Variants in GLTP observed in about 807,000 individuals in gnomAD.
GLTP encodes the protein glycolipid transfer protein.
GLTP carries 22 observed loss-of-function variants against 24.0 expected under a neutral mutation model. The observed-to-expected ratio is 0.92, with a 90% CI of 0.65 to 1.31. The LOEUF (loss-of-function observed/expected upper bound fraction) is 1.31, where lower values mean the gene tolerates loss of function less well. GLTP is among the 50% of genes most tolerant of loss of function. The pLI is 0.00. For synonymous variants in GLTP, 92 were observed against 115.9 expected (o/e 0.79, Z 1.33); for missense variants, 224 against 276.6 (o/e 0.81, Z 1.35).
At position 109,855,961 on chromosome 12, in the gene GLTP, G is replaced by A. The variant is rs998327027; in HGVS notation, c.297-192C>T. ...CACTTGGCTCCATTGACTATCTCCCGAGCACCTTCTCTCCTCCAGGCCTGG... is the reference window on the plus strand; with the variant it reads ...CACTTGGCTCCATTGACTATCTCCCAAGCACCTTCTCTCCTCCAGGCCTGG... On this transcript the variant is annotated intron_variant, in intron 3 of 4. Coordinates refer to ENST00000318348, the MANE Select transcript of GLTP (RefSeq NM_016433.4). The surrounding 1 kb of genome is among the most constrained non-coding windows in gnomAD (Gnocchi z 4.1). 2.6e-5 allele frequency among the ~76,000 whole-genome samples: 4 copies of A among 151,868 alleles called. No individual in the cohort carries two copies. Among genetic ancestry groups the A allele is most frequent in the Non-Finnish European group, 4.4e-5 (3 of 67,990 alleles).
chr12:109,878,496 C>T (rs1868955748), intron 1 of GLTP, among the ~76,000 whole-genome samples: 1 of 152,132 alleles, frequency 6.6e-6, no homozygotes, highest in Admixed American at 6.5e-5. Flanking sequence ...AGGGGCAAAA[C>T]TGCCCTCAGT....
chr12:109,864,822 T>C (rs1868475291), intron 1 of GLTP, among the ~76,000 whole-genome samples: 1 of 152,188 alleles, frequency 6.6e-6, no homozygotes, highest in Non-Finnish European at 1.5e-5. Flanking sequence ...GCTTTTCTAA[T>C]AGTTTATTTT....
Position 109,880,089 on chromosome 12 carries a change from G to C in GLTP, c.103+183C>G, listed in dbSNP as rs923082843. Among the ~76,000 whole-genome samples the C allele has an allele frequency of 6.6e-6, 1 of 152,008 alleles. No homozygotes were observed. The highest frequency in any genetic ancestry group is 2.4e-5 in the African/African-American group (1 of 41,378). On this transcript the variant is annotated intron_variant, in intron 1 of 4. Transcript: ENST00000318348. The surrounding 1 kb of genome is among the most constrained non-coding windows in gnomAD (Gnocchi z 5.1). ...GGATGTGACATGTTTAGAGCGGAGA[G>C]GACTTGGGAGTGGTCCGGGAAAGGG...
At chr12:109,853,755 AT>A (rs1443264127) in intron 4 of GLTP, among the ~76,000 whole-genome samples, 2 of 151,386 alleles carry the variant, frequency 1.3e-5, no homozygotes, top group South Asian at 2.1e-4. Context: ...TATTTAAAAA[AT>A]TTTTTTAGAC....
At chr12:109,862,103 C>A (rs978518666) in intron 1 of GLTP, among the ~76,000 whole-genome samples, 1 of 152,200 alleles carries the variant, frequency 6.6e-6, no homozygotes, top group Non-Finnish European at 1.5e-5. Context: ...GCAAATCTCC[C>A]AGCAAGGGGC....
At position 109,855,510 on chromosome 12, in the gene GLTP, A is replaced by AG. The variant is rs1892782314; in HGVS notation, c.447+108dup. 1.0e-6 allele frequency: 1 copy of AG among 981,570 alleles called. No individual in the cohort carries two copies. The highest frequency in any genetic ancestry group is 2.7e-5 in the East Asian group (1 of 37,458). 60.8% of individuals were successfully genotyped at this position (981,570 alleles called of 1,614,324 possible). ...GATGAGGGAGCCCTTCCTGAGCCCG[A>AG]GGGGGTAAACACAGCCTCACAGGCC... On this transcript the variant is annotated intron_variant, in intron 4 of 4. Transcript: ENST00000318348. The surrounding 1 kb of genome is among the most constrained non-coding windows in gnomAD (Gnocchi z 4.1).
In GLTP at chr12:109,880,410, C is replaced by A; in HGVS notation, c.-36G>T. The A allele has an allele frequency of 8.8e-7, 1 of 1,136,666 alleles. No individual in the cohort carries two copies. Among genetic ancestry groups the A allele is most frequent in the South Asian group, 1.6e-5 (1 of 62,344 alleles). The allele number at this position is 1,136,666 out of a possible 1,614,324, so 70.4% of individuals were successfully genotyped here. ...AGGCCCGCGGTGATGCCCCAGCCGG[C>A]GCCGCGGGCGTCGACACCGCCCCCC... On this transcript the variant is annotated 5_prime_UTR_variant, in exon 1 of 5. Coordinates refer to ENST00000318348, the MANE Select transcript of GLTP (RefSeq NM_016433.4). The surrounding 1 kb of genome is among the most constrained non-coding windows in gnomAD (Gnocchi z 5.1).
At chr12:109,874,978 G>T (rs1868839324) in intron 1 of GLTP, among the ~76,000 whole-genome samples, 1 of 152,032 alleles carries the variant, frequency 6.6e-6, no homozygotes, top group Non-Finnish European at 1.5e-5. Context: ...GGTCAGGCTG[G>T]TTTCCAACTC....
At chr12:109,878,170 C>G (rs970150763) in intron 1 of GLTP, among the ~76,000 whole-genome samples, 1 of 152,220 alleles carries the variant, frequency 6.6e-6, no homozygotes, top group African/African-American at 2.4e-5. Flanking sequence ...TGACTGCTGG[C>G]TCTGGCTTGC....
chr12:109,862,188 A>G (rs1236638627), intron 1 of GLTP, among the ~76,000 whole-genome samples: 1 of 152,122 alleles, frequency 6.6e-6, no homozygotes, highest in African/African-American at 2.4e-5. Flanking sequence ...CGGGCAAAGA[A>G]TCCAGGGTGC....
intron 1 of GLTP, among the ~76,000 whole-genome samples, chr12:109,867,683 A>G (rs1592892302): frequency 6.6e-6 from 1 of 151,970 alleles, no homozygotes. Context: ...GAATCACACT[A>G]ATTTCTCTTT....
chr12:109,871,081 CTTTTTTTTTT>C (rs965998479), intron 1 of GLTP, among the ~76,000 whole-genome samples: 1 of 114,434 alleles, frequency 8.7e-6, no homozygotes, highest in Non-Finnish European at 1.8e-5. Context: ...CATTTCCATT[CTTTTTTTTTT>C]TTTTTTTTTT....
chr12:109,873,015 A>C (rs1868773206), intron 1 of GLTP, among the ~76,000 whole-genome samples: 1 of 152,126 alleles, frequency 6.6e-6, no homozygotes, highest in South Asian at 2.1e-4. Context: ...ATGAGATTTG[A>C]GTTTTGTTTT....
At position 109,855,637 on chromosome 12, in the gene GLTP, G is replaced by A. The variant is rs138733952; in HGVS notation, c.429C>T (p.Ile143=). Residue 143 remains isoleucine (I), a synonymous_variant, in exon 4 of 5, where the codon ATC becomes ATT. Coordinates refer to ENST00000318348, the MANE Select transcript of GLTP (RefSeq NM_016433.4). This position sits in a 1 kb window ranked among gnomAD's most constrained non-coding sequence, Gnocchi z 4.1. ...EMALKKYHGW[I]VQKIFQAALY... Reference sequence around the variant, plus strand: ...GGCTCACCTGGAAGATCTTCTGCACGATCCAGCCATGGTACTTCTTGAGGG... The same window carrying A: ...GGCTCACCTGGAAGATCTTCTGCACAATCCAGCCATGGTACTTCTTGAGGG... 7.0e-6 allele frequency: 11 copies of A among 1,571,504 alleles called. No individual in the cohort carries two copies. In the East Asian group the frequency reaches 1.9e-4, roughly 27 times the overall value.
At chr12:109,862,198 C>T (rs1486153468) in intron 1 of GLTP, among the ~76,000 whole-genome samples, 1 of 152,172 alleles carries the variant, frequency 6.6e-6, no homozygotes, top group Non-Finnish European at 1.5e-5. Context: ...ATCCAGGGTG[C>T]TCTGGTCTCC....
intron 4 of GLTP, among the ~76,000 whole-genome samples, chr12:109,853,503 A>G (rs1306177342): frequency 2.6e-5 from 4 of 151,542 alleles, no homozygotes; most frequent in Non-Finnish European, 5.9e-5. Flanking sequence ...AGCCTGGCCA[A>G]TATGATAAAA....
intron 1 of GLTP, among the ~76,000 whole-genome samples, chr12:109,875,676 A>G (rs1261655465): frequency 6.6e-6 from 1 of 152,252 alleles, no homozygotes; most frequent in Non-Finnish European, 1.5e-5. Context: ...GCTGGCCTCT[A>G]AGTGGATGTA....
chr12:109,870,237 G>C (rs779125989), intron 1 of GLTP, among the ~76,000 whole-genome samples: 1 of 152,116 alleles, frequency 6.6e-6, no homozygotes, highest in Non-Finnish European at 1.5e-5. Context: ...AGGCTGTAGC[G>C]GACAAATCAC....
At chr12:109,874,671 C>T (rs1484803478) in intron 1 of GLTP, among the ~76,000 whole-genome samples, 1 of 152,148 alleles carries the variant, frequency 6.6e-6, no homozygotes, top group African/African-American at 2.4e-5. Context: ...GGGAAAACAG[C>T]ATCATGATTG....
Sources: gnomAD v4.1 joint callset for allele counts (sites outside exome capture counted in the v4.1 genomes callset) on GRCh38, gnomAD v4.1.1 for gene constraint, Gnocchi (gnomAD v3.1) non-coding constraint, MANE v1.5 for transcripts, NCBI Gene and HGNC (gene_info 2026-07-23, HGNC 2026-07-21) for gene names.